The following SEMA3D variants were observed in gnomAD, a reference collection of about 807,000 sequenced individuals.
SEMA3D encodes semaphorin-3D.
A neutral mutation model predicts 100.1 loss-of-function variants in SEMA3D; 84 were observed. The observed-to-expected ratio is 0.84, with a 90% confidence interval of 0.70 to 1.01. The LOEUF is 1.01. Ranked by LOEUF, SEMA3D falls within the 50% of genes least tolerant of loss-of-function variation. The pLI is 0.00. For synonymous variants in SEMA3D, 312 were observed against 320.7 expected (o/e 0.97, Z 0.29); for missense variants, 875 against 934.1 (o/e 0.94, Z 0.82).
chr7:85,181,347 C>CACAA (rs1554352320), intron 1 of SEMA3D, among the ~76,000 whole-genome samples: 2,905 of 146,118 alleles, frequency 0.02, 95 homozygotes, highest in African/African-American at 0.059. Context: ...CACACACACA[C>CACAA]ACACACACAC....
At chr7:85,087,959 T>C (rs1384212092) in intron 4 of SEMA3D, among the ~76,000 whole-genome samples, 1 of 152,174 alleles carries the variant, frequency 6.6e-6, no homozygotes, top group Non-Finnish European at 1.5e-5. Context: ...AAAGTTATAG[T>C]TTAAACATAT....
At chr7:85,039,794 C>G (rs949312913) in intron 11 of SEMA3D, among the ~76,000 whole-genome samples, 2 of 152,054 alleles carry the variant, frequency 1.3e-5, no homozygotes, top group African/African-American at 4.8e-5. Flanking sequence ...TGTAGGGTAA[C>G]TGGGAAATGA....
At chr7:85,010,699 A>G (rs894109787) in intron 17 of SEMA3D, among the ~76,000 whole-genome samples, 1 of 151,866 alleles carries the variant, frequency 6.6e-6, no homozygotes, top group African/African-American at 2.4e-5. Flanking sequence ...AGTCTTGAAG[A>G]AGATAATAAG....
chr7:85,025,870 T>C (rs1790378946), intron 12 of SEMA3D, among the ~76,000 whole-genome samples: 2 of 152,030 alleles, frequency 1.3e-5, no homozygotes, highest in Non-Finnish European at 2.9e-5. Flanking sequence ...TTTCTCTCCT[T>C]CCCTCTCCCT....
chr7:85,090,882 T>C, intron 4 of SEMA3D, among the ~76,000 whole-genome samples: 1 of 152,226 alleles, frequency 6.6e-6, no homozygotes, highest in East Asian at 1.9e-4. Flanking sequence ...AATTATTATA[T>C]GTAAAATTAT....
At chr7:85,072,941 C>A in intron 6 of SEMA3D, 21 bp downstream of exon 6, 3 of 1,568,670 alleles carry the variant, frequency 1.9e-6, no homozygotes, top group Non-Finnish European at 2.6e-6. Context: ...TTATGCTTTT[C>A]ATGCTTTTTC....
intron 4 of SEMA3D, among the ~76,000 whole-genome samples, chr7:85,089,320 G>A (rs1248261253): frequency 6.6e-6 from 1 of 152,044 alleles, no homozygotes; most frequent in East Asian, 1.9e-4. Flanking sequence ...TCTTCTAGAT[G>A]ATCCCTTCTT....
intron 1 of SEMA3D, among the ~76,000 whole-genome samples, chr7:85,176,602 C>T (rs1411607665): frequency 6.6e-6 from 1 of 151,782 alleles, no homozygotes; most frequent in Non-Finnish European, 1.5e-5. Context: ...AATAGTATGA[C>T]TTTGGTATAT....
chr7:85,091,132 GGGAAGGAA>G (rs578007305), intron 4 of SEMA3D, among the ~76,000 whole-genome samples: 1 of 137,948 alleles, frequency 7.2e-6, no homozygotes, highest in African/African-American at 2.8e-5. Context: ...GAAGGAAGGA[GGGAAGGAA>G]GGAAGGAAGG....
intron 5 of SEMA3D, among the ~76,000 whole-genome samples, chr7:85,080,541 T>C (rs554913713): frequency 1.3e-5 from 2 of 152,278 alleles, no homozygotes; most frequent in South Asian, 4.1e-4. Flanking sequence ...GATTAAAGGA[T>C]GGTGCAAAAG....
chr7:85,057,190 T>C (rs1190736513), intron 8 of SEMA3D, among the ~76,000 whole-genome samples: 1 of 152,140 alleles, frequency 6.6e-6, no homozygotes, highest in Non-Finnish European at 1.5e-5. Context: ...ACTGTATCAC[T>C]GAAAAATTTA....
At chr7:85,128,870 T>C (rs1221160256) in intron 2 of SEMA3D, among the ~76,000 whole-genome samples, 2 of 143,758 alleles carry the variant, frequency 1.4e-5, no homozygotes, top group African/African-American at 5.1e-5. Flanking sequence ...TTATGATATA[T>C]ATATATTTTT....
rs572564399 is a variant in SEMA3D at position 85,039,310 on chromosome 7, G to T, written c.1046+1363C>A. ...AGACAGAGTTTTGCTCTTGTTGCCG[G>T]GGCTGGAGTGCAATGGCACAACCTG... On this transcript the variant is annotated intron_variant, in intron 11 of 18. Transcript: ENST00000284136. Among the ~76,000 whole-genome samples, 4 of 152,086 alleles carry T rather than the reference G, an allele frequency of 2.6e-5. No homozygotes were observed. In the South Asian group the frequency reaches 8.3e-4, roughly 32 times the overall value.
At position 85,065,415 on chromosome 7, in the gene SEMA3D, A is replaced by G. The variant is rs1033734974; in HGVS notation, c.718+9T>C. On this transcript the variant is annotated intron_variant, in intron 8 of 18. Coordinates refer to ENST00000284136, the MANE Select transcript of SEMA3D (RefSeq NM_001384900.1). ...GACAATCAAAAGTAAACAAAAAAAAATCACAAACCATTGAGCCAGTAGTGC... is the reference window on the plus strand; with the variant it reads ...GACAATCAAAAGTAAACAAAAAAAAGTCACAAACCATTGAGCCAGTAGTGC... 3.6e-5 allele frequency: 58 copies of G among 1,611,816 alleles called. No homozygotes were observed. The highest frequency in any genetic ancestry group is 4.4e-5 in the Non-Finnish European group (52 of 1,178,808).
At chr7:85,125,181 A>T (rs540533420) in intron 2 of SEMA3D, among the ~76,000 whole-genome samples, 149 of 152,188 alleles carry the variant, frequency 9.8e-4, no homozygotes, top group Middle Eastern at 6.8e-3. Context: ...TATGACATGT[A>T]ACAATGCATG....
intron 11 of SEMA3D, among the ~76,000 whole-genome samples, chr7:85,038,063 G>C (rs1352546374): frequency 2.3e-5 from 3 of 132,926 alleles, no homozygotes; most frequent in Non-Finnish European, 4.8e-5. Context: ...GGGGGGAGGG[G>C]GGAGGGACAG....
At chr7:85,078,851 G>A (rs1787966919) in intron 5 of SEMA3D, among the ~76,000 whole-genome samples, 1 of 152,168 alleles carries the variant, frequency 6.6e-6, no homozygotes, top group African/African-American at 2.4e-5. Flanking sequence ...AATTACTAGA[G>A]AGGAAGAAGG....
intron 11 of SEMA3D, among the ~76,000 whole-genome samples, chr7:85,039,570 A>C (rs1405735799): frequency 6.6e-6 from 1 of 152,138 alleles, no homozygotes; most frequent in Non-Finnish European, 1.5e-5. Context: ...ATGCTAGTAC[A>C]ACTTTTAAGG....
the SEMA3D span, among the ~76,000 whole-genome samples, chr7:85,224,563 A>G: frequency 2.0e-5 from 3 of 152,316 alleles, no homozygotes; most frequent in East Asian, 5.8e-4. Context: ...GAAACTGCCT[A>G]AAGTAACAGT....
Sources: gnomAD v4.1 joint callset for allele counts (sites outside exome capture counted in the v4.1 genomes callset) on GRCh38, gnomAD v4.1.1 for gene constraint, MANE v1.5 for transcripts, NCBI Gene and HGNC (gene_info 2026-07-23, HGNC 2026-07-21) for gene names.